The following ASB13 variants were observed in gnomAD, a reference collection of about 807,000 sequenced individuals.
ASB13 encodes ankyrin repeat and SOCS box protein 13.
Under a neutral mutation model 28.8 loss-of-function variants are expected in ASB13, and 33 were observed. That is an observed-to-expected ratio of 1.15 (90% CI 0.87 to 1.53). The LOEUF is 1.53. ASB13 is among the 40% of genes most tolerant of loss of function. The pLI is 0.00. For missense variants in ASB13, 414 were observed against 390.1 expected (o/e 1.06, Z -0.52); for synonymous variants, 182 against 172.9 (o/e 1.05, Z -0.41).
chr10:5,666,307 G>A lies in ASB13; in HGVS notation c.43+202C>T, dbSNP rs555885858. ...CCGCAGTGCGCTGGCCTGGGACAAG[G>A]CACCAGACATGAGAGCCCGTCTGGG... On this transcript the variant is annotated intron_variant, in intron 1 of 5. Coordinates refer to ENST00000357700, the MANE Select transcript of ASB13 (RefSeq NM_024701.4). Among the ~76,000 whole-genome samples the A allele has an allele frequency of 3.1e-3, 470 of 152,246 alleles. 3 individuals are homozygous for A. Among genetic ancestry groups the A allele is most frequent in the Non-Finnish European group, 5.2e-3 (354 of 68,006 alleles).
rs1486498161 is a variant in ASB13 at position 5,664,591 on chromosome 10, G to A, written c.43+1918C>T. ...GGAGGACCCTGGGGGGAACGTACGGGGGAGTGGGGGAGCAGCCAGTAGGTT... is the reference window on the plus strand; with the variant it reads ...GGAGGACCCTGGGGGGAACGTACGGAGGAGTGGGGGAGCAGCCAGTAGGTT... On this transcript the variant is annotated intron_variant, in intron 1 of 5. Transcript: ENST00000357700. This position sits in a 1 kb window ranked among gnomAD's most constrained non-coding sequence, Gnocchi z 4.2. Among the ~76,000 whole-genome samples, 2 of 152,158 alleles carry A rather than the reference G, an allele frequency of 1.3e-5. No individual in the cohort carries two copies. The highest frequency in any genetic ancestry group is 4.1e-4 in the South Asian group (2 of 4,828).
chr10:5,662,993 TCAGTGTTTTGTTGCTA>T (rs1240136100), intron 1 of ASB13, among the ~76,000 whole-genome samples: 1 of 152,218 alleles, frequency 6.6e-6, no homozygotes, highest in Admixed American at 6.5e-5. Context: ...AAGTCTGGGC[TCAGTGTTTTGTTGCTA>T]CAGTGATATT....
In ASB13 at chr10:5,650,984, C is replaced by A. The variant is rs1834974941; in HGVS notation, c.382+229G>T. Among the ~76,000 whole-genome samples, 1 of 152,194 alleles carries A rather than the reference C, an allele frequency of 6.6e-6. No homozygotes were observed. The highest frequency in any genetic ancestry group is 6.5e-5 in the Admixed American group (1 of 15,282). On this transcript the variant is annotated intron_variant, in intron 3 of 5. Coordinates refer to ENST00000357700, the MANE Select transcript of ASB13 (RefSeq NM_024701.4). The surrounding 1 kb of genome is among the most constrained non-coding windows in gnomAD (Gnocchi z 6.0). ...GGGAACCCTGGCTTGGACACAGAAT[C>A]CTACCCTAGAGTCACCCACCCCAGC...
chr10:5,659,494 G>C lies in ASB13; in HGVS notation c.44-6444C>G, dbSNP rs545501877. ...GTGTCCAGTGACACCAAACTCTACC[G>C]ACTCACACAGAGTCCAGTGGCTGCA... On this transcript the variant is annotated intron_variant, in intron 1 of 5. Transcript: ENST00000357700. This position sits in a 1 kb window ranked among gnomAD's most constrained non-coding sequence, Gnocchi z 5.8. Among the ~76,000 whole-genome samples, 1 of 152,132 alleles carries C rather than the reference G, an allele frequency of 6.6e-6. No individual in the cohort carries two copies. Among genetic ancestry groups the C allele is most frequent in the Non-Finnish European group, 1.5e-5 (1 of 68,018 alleles).
chr10:5,640,855 G>A (rs1307994816), intron 5 of ASB13, 25 bp from the exon 6 acceptor site: 8 of 1,611,534 alleles, frequency 5.0e-6, no homozygotes, highest in Non-Finnish European at 6.8e-6. Flanking sequence ...AAGGAAGGAT[G>A]TGAGGTTAAT....
At position 5,661,161 on chromosome 10, in the gene ASB13, C is replaced by T. The variant is rs1003778463; in HGVS notation, c.43+5348G>A. Reference sequence around the variant, plus strand: ...CCAGGCCCGGCCACCCCCTAGAGAGCCTGTGTCTAGGAGGCAGCTGGCCTG... The same window carrying T: ...CCAGGCCCGGCCACCCCCTAGAGAGTCTGTGTCTAGGAGGCAGCTGGCCTG... On this transcript the variant is annotated intron_variant, in intron 1 of 5. Transcript: ENST00000357700. This position sits in a 1 kb window ranked among gnomAD's most constrained non-coding sequence, Gnocchi z 4.9. Among the ~76,000 whole-genome samples the T allele has an allele frequency of 7.2e-5, 11 of 152,128 alleles. No individual in the cohort carries two copies. The highest frequency in any genetic ancestry group is 2.7e-4 in the African/African-American group (11 of 41,428).
At position 5,651,399 on chromosome 10, in the gene ASB13, G is replaced by A; in HGVS notation, c.232-36C>T. The A allele has an allele frequency of 6.5e-7, 1 of 1,540,596 alleles. No individual in the cohort carries two copies. Among genetic ancestry groups the A allele is most frequent in the Non-Finnish European group, 8.8e-7 (1 of 1,138,480 alleles). ...GAAGAAACAAGTGTCAAAGGGCAGA[G>A]AAATGCCACGCAACCCACTTTCCCA... On this transcript the variant is annotated intron_variant, in intron 2 of 5. Coordinates refer to ENST00000357700, the MANE Select transcript of ASB13 (RefSeq NM_024701.4). The surrounding 1 kb of genome is among the most constrained non-coding windows in gnomAD (Gnocchi z 5.1).
chr10:5,639,115 C>G lies in ASB13; in HGVS notation c.*1588G>C, dbSNP rs935748475. 6.6e-6 allele frequency: 1 copy of G among 152,646 alleles called. No individual in the cohort carries two copies. Among genetic ancestry groups the G allele is most frequent in the African/African-American group, 2.4e-5 (1 of 41,456 alleles). 9.5% of individuals were successfully genotyped at this position (152,646 alleles called of 1,614,324 possible). On this transcript the variant is annotated 3_prime_UTR_variant, in exon 6 of 6. Transcript: ENST00000357700. Reference sequence around the variant, plus strand: ...TTCTTCTCAGTTTAGGACGAAGACCCGCCATGACAATGGCGGGAACGCTGG... The same window carrying G: ...TTCTTCTCAGTTTAGGACGAAGACCGGCCATGACAATGGCGGGAACGCTGG...
In ASB13 at chr10:5,641,643, C is replaced by T; in HGVS notation, c.709+127G>A. On this transcript the variant is annotated intron_variant, in intron 5 of 5. Transcript: ENST00000357700. This position sits in a 1 kb window ranked among gnomAD's most constrained non-coding sequence, Gnocchi z 8.4. ...CCCCGCAAAGTGCTTAAGGGTCTGT[C>T]CTAGCGCAGAGGACAGGAGCCAGGA... The T allele has an allele frequency of 9.6e-7, 1 of 1,038,668 alleles. No homozygotes were observed. The highest frequency in any genetic ancestry group is 1.4e-6 in the Non-Finnish European group (1 of 725,670). The allele number at this position is 1,038,668 out of a possible 1,614,324, so 64.3% of individuals were successfully genotyped here.
At position 5,651,318 on chromosome 10, in the gene ASB13, A is replaced by G. The variant is rs762511305; in HGVS notation, c.277T>C (p.Cys93Arg). Reference sequence around the variant, plus strand: ...ACACACTCGATGCTGCCCGAGGCGCAGGCATCGCAGAGCGGGGTGCTGCCG... The same window carrying G: ...ACACACTCGATGCTGCCCGAGGCGCGGGCATCGCAGAGCGGGGTGCTGCCG... ...IDGSTPLCDACASGSIECVKL... is the reference protein window; with the variant it reads ...IDGSTPLCDARASGSIECVKL... Residue 93 changes from cysteine to arginine, a missense_variant, in exon 3 of 6, where the codon TGC becomes CGC. Coordinates refer to ENST00000357700, the MANE Select transcript of ASB13 (RefSeq NM_024701.4). This position sits in a 1 kb window ranked among gnomAD's most constrained non-coding sequence, Gnocchi z 5.1. The G allele has an allele frequency of 1.2e-6, 2 of 1,613,662 alleles. No homozygotes were observed. Among genetic ancestry groups the G allele is most frequent in the Admixed American group, 1.7e-5 (1 of 59,952 alleles).
chr10:5,648,379 C>CAAACACCCCCTTGGGT (rs1564216831), intron 4 of ASB13, among the ~76,000 whole-genome samples: 2 of 94,788 alleles, frequency 2.1e-5, no homozygotes, highest in African/African-American at 6.5e-5. Flanking sequence ...CCCATGCAGG[C>CAAACACCCCCTTGGGT]AAACACCCAC....
At position 5,651,165 on chromosome 10, in the gene ASB13, G is replaced by A; in HGVS notation, c.382+48C>T. The stretch of plus-strand genomic sequence containing the variant: ...AAGTCCCTTTAATCCCAGAAAGGAG[G>A]AAACTTCCAGAGCCCAGCTGGGCCA... On this transcript the variant is annotated intron_variant, in intron 3 of 5. Transcript: ENST00000357700. This position sits in a 1 kb window ranked among gnomAD's most constrained non-coding sequence, Gnocchi z 5.1. 1 of 1,547,330 alleles carries A rather than the reference G, an allele frequency of 6.5e-7. No homozygotes were observed. The highest frequency in any genetic ancestry group is 8.7e-7 in the Non-Finnish European group (1 of 1,147,458).
rs2131453848 is a variant in ASB13 at position 5,656,293 on chromosome 10, A to G, written c.44-3243T>C. On this transcript the variant is annotated intron_variant, in intron 1 of 5. Coordinates refer to ENST00000357700, the MANE Select transcript of ASB13 (RefSeq NM_024701.4). This position sits in a 1 kb window ranked among gnomAD's most constrained non-coding sequence, Gnocchi z 4.3. ...GGTGGTTCAAGCCTGTAATCCCAGC[A>G]CTTTGGGAGGCCAAGGCGGGTGGAT... Among the ~76,000 whole-genome samples the G allele has an allele frequency of 6.6e-6, 1 of 152,336 alleles. No homozygotes were observed.
In ASB13 at chr10:5,640,817, A is replaced by T. The variant is rs756957812; in HGVS notation, c.723T>A (p.Thr241=). The T allele has an allele frequency of 6.2e-7, 1 of 1,614,142 alleles. No individual in the cohort carries two copies. Among genetic ancestry groups the T allele is most frequent in the Non-Finnish European group, 8.5e-7 (1 of 1,180,016 alleles). Residue 241 remains threonine, a synonymous_variant, in exon 6 of 6, where the codon ACT becomes ACA. Coordinates refer to ENST00000357700, the MANE Select transcript of ASB13 (RefSeq NM_024701.4). The part of the protein sequence containing the change: ...CFEYYEKTPL[T]LSQLCRVNLR... ...AGTTCACCCTGCAGAGCTGTGACAG[A>T]GTCAGAGGTGTCTCTGAAAAAGGGA...
chr10:5,649,437 G>A lies in ASB13; in HGVS notation c.383-333C>T, dbSNP rs184780370. ...GCCCCCCTGCCCTGTGTCTACCTGC[G>A]GCTGTCAGCACTGAGCCCAGCCTCC... On this transcript the variant is annotated intron_variant, in intron 3 of 5. Transcript: ENST00000357700. The surrounding 1 kb of genome is among the most constrained non-coding windows in gnomAD (Gnocchi z 6.4). 2.8e-3 allele frequency among the ~76,000 whole-genome samples: 419 copies of A among 151,804 alleles called. 1 individual carries two copies. Among genetic ancestry groups the A allele is most frequent in the Non-Finnish European group, 4.7e-3 (317 of 67,860 alleles).
In ASB13 at chr10:5,656,665, G is replaced by A. The variant is rs1005500078; in HGVS notation, c.44-3615C>T. Among the ~76,000 whole-genome samples the A allele has an allele frequency of 7.9e-5, 12 of 152,172 alleles. No individual in the cohort carries two copies. Among genetic ancestry groups the A allele is most frequent in the Non-Finnish European group, 1.3e-4 (9 of 68,032 alleles). On this transcript the variant is annotated intron_variant, in intron 1 of 5. Coordinates refer to ENST00000357700, the MANE Select transcript of ASB13 (RefSeq NM_024701.4). This position sits in a 1 kb window ranked among gnomAD's most constrained non-coding sequence, Gnocchi z 4.3. ...AGAGCATTAAGATAATATGCAAAAA[G>A]AGCAAACGTGTAGCTTTGAAATTAA...
In ASB13 at chr10:5,651,998, T is replaced by C. The variant is rs1834991575; in HGVS notation, c.232-635A>G. On this transcript the variant is annotated intron_variant, in intron 2 of 5. Transcript: ENST00000357700. This position sits in a 1 kb window ranked among gnomAD's most constrained non-coding sequence, Gnocchi z 5.1. ...GCCTAGGCGACAGAGAAAGACCTTATCTCAAAAAAAAAAAAAAAAAAAAAA... is the reference window on the plus strand; with the variant it reads ...GCCTAGGCGACAGAGAAAGACCTTACCTCAAAAAAAAAAAAAAAAAAAAAA... 2.9e-5 allele frequency among the ~76,000 whole-genome samples: 2 copies of C among 68,410 alleles called. No individual in the cohort carries two copies. The highest frequency in any genetic ancestry group is 2.6e-4 in the Admixed American group (1 of 3,916). 44.9% of individuals were successfully genotyped at this position (68,410 alleles called of 152,430 possible). A position where few individuals can be genotyped will look rare whatever the true frequency, so the allele number is the denominator to read the frequency against.
At chr10:5,666,454 G>T in intron 1 of ASB13, 55 bp downstream of exon 1, 1 of 1,261,972 alleles carries the variant, frequency 7.9e-7, no homozygotes, top group Non-Finnish European at 1.0e-6. Context: ...TACGCGGCCG[G>T]CCTCAGGAGC....
At position 5,650,443 on chromosome 10, in the gene ASB13, C is replaced by T; in HGVS notation, c.382+770G>A. Among the ~76,000 whole-genome samples, 1 of 152,230 alleles carries T rather than the reference C, an allele frequency of 6.6e-6. No homozygotes were observed. Among genetic ancestry groups the T allele is most frequent in the East Asian group, 1.9e-4 (1 of 5,198 alleles). On this transcript the variant is annotated intron_variant, in intron 3 of 5. Transcript: ENST00000357700. This position sits in a 1 kb window ranked among gnomAD's most constrained non-coding sequence, Gnocchi z 6.0. ...GCAGGAATCAGGGGTGAGCCACATG[C>T]AGCCATGGCCCTGCCAGCACCGTGG...
Sources: allele counts gnomAD v4.1 joint callset (sites outside exome capture counted in the v4.1 genomes callset), GRCh38; gene constraint gnomAD v4.1.1; non-coding constraint Gnocchi (gnomAD v3.1); transcripts MANE v1.5; gene names NCBI Gene and HGNC (gene_info 2026-07-23, HGNC 2026-07-21).